TSPEAR: variants seen among roughly 807,000 people sequenced by gnomAD.
TSPEAR encodes thrombospondin-type laminin G domain and EAR repeat-containing protein.
In TSPEAR, 69 loss-of-function variants were observed where a neutral mutation model predicts 71.6. That is an observed-to-expected ratio of 0.96 (90% CI 0.79 to 1.18). The LOEUF (loss-of-function observed/expected upper bound fraction) is 1.18, where lower values mean the gene tolerates loss of function less well. Ranked by LOEUF, TSPEAR falls within the 50% of genes most tolerant of loss-of-function variation. TSPEAR has a pLI of 0.00. For missense variants in TSPEAR, 971 were observed against 894.9 expected, an observed-to-expected ratio of 1.09 and a Z score of -1.09; for synonymous variants, 402 against 387.2, an observed-to-expected ratio of 1.04 and a Z score of -0.45.
At chr21:44,586,605 C>T (rs1345962449) in intron 1 of TSPEAR, among the ~76,000 whole-genome samples, 1 of 152,080 alleles carries the variant, frequency 6.6e-6, no homozygotes, top group Admixed American at 6.5e-5. Context: ...AAAATCACAC[C>T]AATCAGCACC....
At chr21:44,708,562 T>C (rs559303691) in intron 1 of TSPEAR, among the ~76,000 whole-genome samples, 10 of 152,066 alleles carry the variant, frequency 6.6e-5, no homozygotes, top group African/African-American at 2.4e-4. Context: ...AGTGATCTTT[T>C]AAGATGCAAA....
intron 1 of TSPEAR, among the ~76,000 whole-genome samples, chr21:44,673,632 C>T (rs587661585): frequency 2.6e-5 from 4 of 152,276 alleles, no homozygotes; most frequent in African/African-American, 9.6e-5. Flanking sequence ...ATTTAAAGAA[C>T]ATTTCATCTA....
At chr21:44,501,668 G>C (rs1482796302) in intron 11 of TSPEAR, among the ~76,000 whole-genome samples, 1 of 152,230 alleles carries the variant, frequency 6.6e-6, no homozygotes, top group African/African-American at 2.4e-5. Context: ...GGGAGGCTGA[G>C]GTGGGAGGAT....
Position 44,551,235 on chromosome 21 carries a change from C to T in TSPEAR, c.303+16550G>A, listed in dbSNP as rs2053426433. 1 of 1,613,994 alleles carries T rather than the reference C, an allele frequency of 6.2e-7. No homozygotes were observed. The highest frequency in any genetic ancestry group is 1.7e-5 in the Admixed American group (1 of 60,020). On this transcript the variant is annotated intron_variant, in intron 2 of 11. Coordinates refer to ENST00000323084, the MANE Select transcript of TSPEAR (RefSeq NM_144991.3). ...AGACTGCTGGCAGCACGAGGGCGTG[C>T]AGGAGCTGGTGCAGCCTGATTGGCA...
chr21:44,602,223 GC>G (rs1391419856), intron 1 of TSPEAR: 13 of 183,998 alleles, frequency 7.1e-5, no homozygotes, highest in Non-Finnish European at 1.2e-4. Context: ...CCTGCCTGAT[GC>G]CCCCCACCCG....
Position 44,628,279 on chromosome 21 carries a change from C to CCGCTGGT in TSPEAR, c.83-60281_83-60275dup, listed in dbSNP as rs587633163. ...CTTCCTGGCTGCAGACCACAACCCT[C>CCGCTGGT]CGCTGGTCGCTGGTTGGGGACGGGC... is the stretch of plus-strand genomic sequence containing the variant. On this transcript the variant is annotated intron_variant, in intron 1 of 11. Coordinates refer to ENST00000323084, the MANE Select transcript of TSPEAR (RefSeq NM_144991.3). 8.4e-3 allele frequency: 2,885 copies of CCGCTGGT among 343,856 alleles called. 178 individuals carry two copies. Among genetic ancestry groups the CCGCTGGT allele is most frequent in the Non-Finnish European group, 9.7e-3 (1,807 of 185,524 alleles). The allele number at this position is 343,856 out of a possible 1,614,324, so 21.3% of individuals were successfully genotyped here.
chr21:44,576,283 A>T (rs1978438010), intron 1 of TSPEAR, among the ~76,000 whole-genome samples: 1 of 147,848 alleles, frequency 6.8e-6, no homozygotes, highest in Non-Finnish European at 1.5e-5. Flanking sequence ...ATGGGTGAAC[A>T]GACACACGGA....
chr21:44,646,398 TCA>T, intron 1 of TSPEAR: 3 of 1,531,128 alleles, frequency 2.0e-6, no homozygotes, highest in South Asian at 1.3e-5. Context: ...ACTCACTCAC[TCA>T]CACACACACT....
chr21:44,684,969 C>A (rs1353502485), intron 1 of TSPEAR, among the ~76,000 whole-genome samples: 28 of 152,332 alleles, frequency 1.8e-4, no homozygotes, highest in African/African-American at 6.5e-4. Context: ...TTGCCTGTGA[C>A]AGGGCTGAAC....
intron 1 of TSPEAR, among the ~76,000 whole-genome samples, chr21:44,652,622 T>C (rs1984879790): frequency 6.6e-6 from 1 of 152,172 alleles, no homozygotes; most frequent in South Asian, 2.1e-4. Context: ...TGGCTTCATG[T>C]GTAACCCATA....
chr21:44,591,474 C>T (rs587720065), intron 1 of TSPEAR: 22 of 1,613,982 alleles, frequency 1.4e-5, no homozygotes, highest in Middle Eastern at 1.7e-4. Flanking sequence ...CACAGGAGGC[C>T]GTGCGGCAGC....
intron 1 of TSPEAR, among the ~76,000 whole-genome samples, chr21:44,665,083 G>T (rs1601544417): frequency 6.6e-6 from 1 of 152,204 alleles, no homozygotes; most frequent in Non-Finnish European, 1.5e-5. Context: ...TCATGGATTC[G>T]AATGTGTTCG....
chr21:44,666,205 G>A lies in TSPEAR; in HGVS notation c.82+45228C>T, dbSNP rs1555944637. ...ATGCAGAGCTGCATGGGGAAAGCTGGTTTATTTGGCTCTCATGGGGTCAGA... is the reference window on the plus strand; with the variant it reads ...ATGCAGAGCTGCATGGGGAAAGCTGATTTATTTGGCTCTCATGGGGTCAGA... On this transcript the variant is annotated intron_variant, in intron 1 of 11. Transcript: ENST00000323084. 1.2e-5 allele frequency: 6 copies of A among 507,956 alleles called. No individual in the cohort carries two copies. The South Asian group carries it at 2.1e-4, about 18-fold the overall frequency. The allele number at this position is 507,956 out of a possible 1,614,324, so 31.5% of individuals were successfully genotyped here.
chr21:44,525,361 T>C (rs2052833424), intron 8 of TSPEAR, among the ~76,000 whole-genome samples: 2 of 152,126 alleles, frequency 1.3e-5, no homozygotes, highest in South Asian at 4.1e-4. Flanking sequence ...AGGTAGTTAA[T>C]CAGCTAGTCA....
At chr21:44,598,619 C>T (rs2051131781) in intron 1 of TSPEAR, among the ~76,000 whole-genome samples, 3 of 152,302 alleles carry the variant, frequency 2.0e-5, no homozygotes, top group African/African-American at 4.8e-5. Flanking sequence ...TCAGCACTTC[C>T]GCCGCTTCCA....
At chr21:44,550,639 G>A (rs1555918441) in intron 2 of TSPEAR, 2 of 1,597,324 alleles carry the variant, frequency 1.3e-6, no homozygotes, top group African/African-American at 2.7e-5. Context: ...GAGGTCCAAG[G>A]ACTGGCAGGG....
intron 9 of TSPEAR, chr21:44,517,919 C>CTGACAAT: frequency 2.1e-6 from 1 of 467,054 alleles, no homozygotes; most frequent in Non-Finnish European, 4.5e-6. Flanking sequence ...CAAGCCTTCT[C>CTGACAAT]TGACAATTCC....
At chr21:44,621,643 A>G (rs949015598) in intron 1 of TSPEAR, among the ~76,000 whole-genome samples, 1 of 152,202 alleles carries the variant, frequency 6.6e-6, no homozygotes, top group South Asian at 2.1e-4. Context: ...TAAGGTCTGG[A>G]AAATTATGGC....
chr21:44,556,108 T>A (rs1484639989), intron 2 of TSPEAR, among the ~76,000 whole-genome samples: 1 of 152,220 alleles, frequency 6.6e-6, no homozygotes, highest in African/African-American at 2.4e-5. Flanking sequence ...CCGGGCACGG[T>A]GGCTCACGCT....
Sources: gnomAD v4.1 joint callset for allele counts (sites outside exome capture counted in the v4.1 genomes callset) on GRCh38, gnomAD v4.1.1 for gene constraint, MANE v1.5 for transcripts, NCBI Gene and HGNC (gene_info 2026-07-23, HGNC 2026-07-21) for gene names.